The following MTREX variants were observed in gnomAD, a reference collection of about 807,000 sequenced individuals.
The protein encoded by MTREX is Mtr4 exosome RNA helicase.
Under a neutral mutation model 135.4 loss-of-function variants are expected in MTREX, and 76 were observed. The ratio of observed to expected loss-of-function variants is 0.56; its 90% CI spans 0.47 to 0.68. The LOEUF is 0.68. Ranked by LOEUF, MTREX falls within the 30% of genes least tolerant of loss-of-function variation. MTREX has a pLI of 0.00. For missense variants in MTREX, 920 were observed against 1,262.1 expected, an observed-to-expected ratio of 0.73 and a Z score of 4.11; for synonymous variants, 404 against 401.6, an observed-to-expected ratio of 1.01 and a Z score of -0.07.
intron 19 of MTREX, among the ~76,000 whole-genome samples, chr5:55,395,613 A>G (rs998942274): frequency 1.3e-5 from 2 of 152,168 alleles, no homozygotes; most frequent in Non-Finnish European, 2.9e-5. Flanking sequence ...AAATAATACT[A>G]TAATAAAGAA....
chr5:55,377,929 C>T (rs543419252), intron 16 of MTREX, among the ~76,000 whole-genome samples: 1 of 150,900 alleles, frequency 6.6e-6, no homozygotes, highest in South Asian at 2.1e-4. Flanking sequence ...GATTTTAGGT[C>T]ACAAGGCACT....
chr5:55,383,964 T>G (rs1394260984), intron 18 of MTREX, among the ~76,000 whole-genome samples: 1 of 152,152 alleles, frequency 6.6e-6, no homozygotes, highest in Non-Finnish European at 1.5e-5. Context: ...AGAGACCAGG[T>G]CTCATTACAT....
chr5:55,346,939 T>C, intron 10 of MTREX, 74 bp from the exon 11 acceptor site: 2 of 1,223,246 alleles, frequency 1.6e-6, no homozygotes, highest in South Asian at 3.2e-5. Flanking sequence ...AAAAGTTTTA[T>C]AGTTTTAGCT....
rs11299245 is a variant in MTREX, at chr5:55,368,804, G to GA, written c.1810+1939dup. Among the ~76,000 whole-genome samples the GA allele has an allele frequency of 2.5e-4, 37 of 149,018 alleles. 1 individual carries two copies. The South Asian group carries it at 4.7e-3, about 19-fold the overall frequency. The stretch of plus-strand genomic sequence containing the variant: ...GAGAATAAATGTAACCTCTCTAATT[G>GA]AAAAAAAAAATCGAAGATGACTGAC... On this transcript the variant is annotated intron_variant, in intron 16 of 26. Transcript: ENST00000230640.
chr5:55,409,872 C>G (rs1229803263), intron 22 of MTREX, among the ~76,000 whole-genome samples: 2 of 152,072 alleles, frequency 1.3e-5, no homozygotes, highest in South Asian at 4.1e-4. Flanking sequence ...AAGGCTCTTG[C>G]CCATCTTGGT....
intron 11 of MTREX, among the ~76,000 whole-genome samples, chr5:55,348,122 T>C (rs1004541942): frequency 2.0e-5 from 3 of 152,094 alleles, no homozygotes; most frequent in African/African-American, 7.2e-5. Context: ...ATTTATTTCT[T>C]ATAGTTTGAG....
intron 5 of MTREX, among the ~76,000 whole-genome samples, chr5:55,329,906 C>A (rs1749442684): frequency 6.6e-6 from 1 of 151,760 alleles, no homozygotes; most frequent in Non-Finnish European, 1.5e-5. Flanking sequence ...GGCTCTTGTT[C>A]CAGGACTCTT....
rs1749795500 is a variant in MTREX, at chr5:55,349,623, T to C, written c.1291T>C (p.Leu431=). Residue 431 remains leucine, a synonymous_variant, in exon 12 of 27, where the codon TTA becomes CTA. Transcript: ENST00000230640. ...EEVFSNAIDC[L]SDEDKKLPQV... is the part of the protein sequence containing the mutation. ...AGTATTCAGTAATGCAATTGATTGC[T>C]TATCCGATGAAGATAAAAAACTCCC... is the stretch of plus-strand genomic sequence containing the variant. 3 of 1,604,024 alleles carry C rather than the reference T, an allele frequency of 1.9e-6. No individual in the cohort carries two copies. The highest frequency in any genetic ancestry group is 3.3e-5 in the Admixed American group (2 of 59,926).
At chr5:55,351,084 G>A (rs1466985068) in intron 13 of MTREX, 55 bp downstream of exon 13, 14 of 1,487,478 alleles carry the variant, frequency 9.4e-6, no homozygotes, top group African/African-American at 1.4e-5. Context: ...TGAAGAGTTT[G>A]AAAATGAGAG....
In MTREX at chr5:55,331,241, T is replaced by G. The variant is rs564394355; in HGVS notation, c.515+2430T>G. Among the ~76,000 whole-genome samples the G allele has an allele frequency of 2.6e-5, 4 of 152,322 alleles. No homozygotes were observed. In the South Asian group the frequency reaches 8.3e-4, roughly 32 times the overall value. On this transcript the variant is annotated intron_variant, in intron 5 of 26. Coordinates refer to ENST00000230640, the MANE Select transcript of MTREX (RefSeq NM_015360.5). ...TCCTGCACCTTGACATACCTGATAC[T>G]TTTTTATTGCATGCCAAAACATTGT...
At chr5:55,396,636 G>A (rs1223433176) in intron 19 of MTREX, among the ~76,000 whole-genome samples, 1 of 152,170 alleles carries the variant, frequency 6.6e-6, no homozygotes, top group Non-Finnish European at 1.5e-5. Flanking sequence ...AGAAAATCTA[G>A]AAAGGTTAGA....
chr5:55,318,908 ACTT>A lies in MTREX; in HGVS notation c.135-3415_135-3413del, dbSNP rs1749242868. On this transcript the variant is annotated intron_variant, in intron 1 of 26. Transcript: ENST00000230640. ...TCAGGTAGTGTGAGTACTTAAAAAA[ACTT>A]CTTATTTGACATAATTTCAGACTTA... Among the ~76,000 whole-genome samples, 3 of 152,302 alleles carry A rather than the reference ACTT, an allele frequency of 2.0e-5. No individual in the cohort carries two copies. In the South Asian group the frequency reaches 6.2e-4, roughly 32 times the overall value.
intron 25 of MTREX, among the ~76,000 whole-genome samples, chr5:55,416,949 TAAA>T (rs1486724571): frequency 6.6e-6 from 1 of 152,214 alleles, no homozygotes; most frequent in African/African-American, 2.4e-5. Context: ...CTGATATTAT[TAAA>T]GAAGTAATAG....
At chr5:55,342,172 A>G (rs560112541) in intron 7 of MTREX, among the ~76,000 whole-genome samples, 1 of 152,334 alleles carries the variant, frequency 6.6e-6, no homozygotes, top group Non-Finnish European at 1.5e-5. Flanking sequence ...GGCCTCCCAA[A>G]GTGCTGGGAT....
In MTREX at chr5:55,424,688, G is replaced by T; in HGVS notation, c.3077-32G>T. Reference sequence around the variant, plus strand: ...GGCAAGTTAGGTGTTTTGTGGTCTTGAAAGTTTAAACCTTACTTTCTTTTC... The same window carrying T: ...GGCAAGTTAGGTGTTTTGTGGTCTTTAAAGTTTAAACCTTACTTTCTTTTC... On this transcript the variant is annotated intron_variant, in intron 26 of 26. Coordinates refer to ENST00000230640, the MANE Select transcript of MTREX (RefSeq NM_015360.5). 3.2e-6 allele frequency: 5 copies of T among 1,560,538 alleles called. No homozygotes were observed. In the South Asian group the frequency reaches 3.3e-5, roughly 10 times the overall value.
chr5:55,361,680 A>T (rs745325256), intron 15 of MTREX, among the ~76,000 whole-genome samples: 1 of 150,864 alleles, frequency 6.6e-6, no homozygotes, highest in Non-Finnish European at 1.5e-5. Flanking sequence ...CTGGTCTCGA[A>T]CTCCTGACCT....
chr5:55,326,400 A>G (rs1749378628), intron 3 of MTREX, among the ~76,000 whole-genome samples: 2 of 152,176 alleles, frequency 1.3e-5, no homozygotes, highest in South Asian at 4.2e-4. Flanking sequence ...ACTCTGTCTC[A>G]AAAAAAGAAA....
At chr5:55,327,465 G>A (rs1394021519) in intron 3 of MTREX, 7 of 384,546 alleles carry the variant, frequency 1.8e-5, no homozygotes, top group Non-Finnish European at 3.3e-5. Context: ...AGTTTCCTCA[G>A]GGAGATAAAC....
At chr5:55,378,552 T>A in intron 17 of MTREX, 66 bp downstream of exon 17, 1 of 1,459,246 alleles carries the variant, frequency 6.9e-7, no homozygotes, top group Non-Finnish European at 9.2e-7. Context: ...TTGTTAAAGA[T>A]TCTAATTTAT....
Sources: allele counts gnomAD v4.1 joint callset (sites outside exome capture counted in the v4.1 genomes callset), GRCh38; gene constraint gnomAD v4.1.1; transcripts MANE v1.5; gene names NCBI Gene and HGNC (gene_info 2026-07-23, HGNC 2026-07-21).